The following FILIP1L variants were observed in gnomAD, a reference collection of about 807,000 sequenced individuals.
FILIP1L encodes the protein filamin A-interacting protein 1-like.
A neutral mutation model predicts 96.6 loss-of-function variants in FILIP1L; 55 were observed. That is an observed-to-expected ratio of 0.57 (90% confidence interval 0.46 to 0.71). The LOEUF (loss-of-function observed/expected upper bound fraction) is 0.71. Ranked by LOEUF, FILIP1L falls within the 30% of genes least tolerant of loss-of-function variation. The probability of loss-of-function intolerance (pLI) is 0.00; values close to 1 mark genes in which losing one functional copy is unlikely to be tolerated. For synonymous variants in FILIP1L, 467 were observed against 473.9 expected, an observed-to-expected ratio of 0.99 and a Z score of 0.19; for missense variants, 1,304 against 1,321.2, an observed-to-expected ratio of 0.99 and a Z score of 0.20.
At chr3:99,890,698 T>C (rs1028311000) in intron 4 of FILIP1L, among the ~76,000 whole-genome samples, 1 of 152,220 alleles carries the variant, frequency 6.6e-6, no homozygotes. Context: ...TATAGTCTTT[T>C]ACTTTTTAAA....
chr3:99,993,274 A>G lies in FILIP1L; in HGVS notation c.-10-62244T>C, dbSNP rs539302199. Among the ~76,000 whole-genome samples, 4 of 152,188 alleles carry G rather than the reference A, an allele frequency of 2.6e-5. No individual in the cohort carries two copies. The East Asian group carries it at 5.8e-4, about 22-fold the overall frequency. ...TTTAATAATATTGATTCTTCAATCT[A>G]TGAGCATGGATGTTTTTTCATTTGT... On this transcript the variant is annotated intron_variant, in intron 1 of 5. Transcript: ENST00000477258.
chr3:100,045,789 T>C (rs192491621), intron 1 of FILIP1L, among the ~76,000 whole-genome samples: 3 of 152,364 alleles, frequency 2.0e-5, no homozygotes, highest in Admixed American at 1.3e-4. Context: ...CAGAAAGCTG[T>C]AACACATTGC....
chr3:99,879,294 A>G (rs984675255), intron 4 of FILIP1L, among the ~76,000 whole-genome samples: 30 of 152,210 alleles, frequency 2.0e-4, no homozygotes, highest in African/African-American at 5.8e-4. Context: ...GCCATATTAT[A>G]TTATGTCAAA....
At chr3:99,975,076 G>A (rs1708929845) in intron 1 of FILIP1L, among the ~76,000 whole-genome samples, 1 of 152,130 alleles carries the variant, frequency 6.6e-6, no homozygotes, top group South Asian at 2.1e-4. Flanking sequence ...GAACTATACT[G>A]AGCATCTTAG....
At chr3:99,988,424 A>C (rs1372013851) in intron 1 of FILIP1L, among the ~76,000 whole-genome samples, 1 of 149,198 alleles carries the variant, frequency 6.7e-6, no homozygotes, top group East Asian at 2.0e-4. Context: ...AGACAGGAGA[A>C]TCGCTTGAAT....
At chr3:99,902,833 G>A (rs1706480072) in intron 4 of FILIP1L, among the ~76,000 whole-genome samples, 2 of 152,212 alleles carry the variant, frequency 1.3e-5, no homozygotes, top group African/African-American at 4.8e-5. Context: ...TAACTTCCAT[G>A]TGAAGATAGT....
At chr3:99,877,109 G>A (rs1358246711) in intron 4 of FILIP1L, among the ~76,000 whole-genome samples, 1 of 152,112 alleles carries the variant, frequency 6.6e-6, no homozygotes, top group Non-Finnish European at 1.5e-5. Flanking sequence ...ATTCACCTCC[G>A]AATTATAAGA....
intron 4 of FILIP1L, among the ~76,000 whole-genome samples, chr3:99,864,949 T>A (rs1200378064): frequency 6.6e-6 from 1 of 152,206 alleles, no homozygotes; most frequent in Non-Finnish European, 1.5e-5. Context: ...TAGTCAATCA[T>A]TGGTCTATTT....
At chr3:100,092,096 T>C (rs964642450) in intron 1 of FILIP1L, among the ~76,000 whole-genome samples, 3 of 152,252 alleles carry the variant, frequency 2.0e-5, no homozygotes, top group African/African-American at 4.8e-5. Flanking sequence ...CTTAAAAATG[T>C]ACTCTGTAAA....
At chr3:100,046,643 G>C (rs941542817) in intron 1 of FILIP1L, among the ~76,000 whole-genome samples, 29 of 152,114 alleles carry the variant, frequency 1.9e-4, no homozygotes, top group African/African-American at 6.0e-4. Flanking sequence ...GACCTGGCCT[G>C]GGCAAAATCA....
intron 1 of FILIP1L, among the ~76,000 whole-genome samples, chr3:100,055,746 T>G (rs2065453632): frequency 6.6e-6 from 1 of 152,202 alleles, no homozygotes; most frequent in South Asian, 2.1e-4. Context: ...CCCAGTAATT[T>G]AGAAAAGAGA....
At chr3:100,099,234 T>TTAG (rs2066263244) in intron 1 of FILIP1L, among the ~76,000 whole-genome samples, 1 of 152,180 alleles carries the variant, frequency 6.6e-6, no homozygotes, top group Non-Finnish European at 1.5e-5. Context: ...ATTTATCATC[T>TTAG]TAGTACGCAC....
intron 1 of FILIP1L, among the ~76,000 whole-genome samples, chr3:100,054,122 G>A (rs1383476415): frequency 1.3e-5 from 2 of 152,180 alleles, no homozygotes; most frequent in Non-Finnish European, 2.9e-5. Flanking sequence ...ACATTTGTGT[G>A]CTTTCAAGAT....
chr3:99,894,890 T>C (rs1706199323), intron 4 of FILIP1L, among the ~76,000 whole-genome samples: 1 of 152,226 alleles, frequency 6.6e-6, no homozygotes, highest in Admixed American at 6.5e-5. Flanking sequence ...CAAGCTATAT[T>C]TAGGTCAGCT....
At chr3:99,905,404 T>C (rs1706582047) in intron 4 of FILIP1L, among the ~76,000 whole-genome samples, 2 of 152,224 alleles carry the variant, frequency 1.3e-5, no homozygotes, top group African/African-American at 4.8e-5. Flanking sequence ...TAATTGCTCT[T>C]ACTAGGACTA....
At chr3:99,952,780 C>A (rs1419976209) in intron 1 of FILIP1L, among the ~76,000 whole-genome samples, 2 of 152,002 alleles carry the variant, frequency 1.3e-5, no homozygotes, top group African/African-American at 4.8e-5. Flanking sequence ...CATGAATATT[C>A]CTAAGAAGAA....
In FILIP1L at chr3:99,971,101, G is replaced by C. The variant is rs556476517; in HGVS notation, c.-10-40071C>G. Among the ~76,000 whole-genome samples the C allele has an allele frequency of 2.0e-5, 3 of 152,314 alleles. No homozygotes were observed. The South Asian group carries it at 6.2e-4, about 32-fold the overall frequency. ...GCCTGTAATCCCAGCACTTTGGGAG[G>C]CCAAGGCGGGCGGATCACTAGGTCA... On this transcript the variant is annotated intron_variant, in intron 1 of 5. Coordinates refer to ENST00000477258, the MANE Select transcript of FILIP1L (RefSeq NM_001387850.1).
At chr3:99,962,501 T>G (rs1708523106) in intron 1 of FILIP1L, among the ~76,000 whole-genome samples, 1 of 152,212 alleles carries the variant, frequency 6.6e-6, no homozygotes, top group South Asian at 2.1e-4. Flanking sequence ...GCTCTTTCAG[T>G]AGCATGACCA....
intron 4 of FILIP1L, among the ~76,000 whole-genome samples, chr3:99,885,353 G>T (rs965690178): frequency 6.6e-6 from 1 of 152,180 alleles, no homozygotes; most frequent in African/African-American, 2.4e-5. Context: ...AAATGCTGAT[G>T]CATTCTAAGA....
Sources: allele counts gnomAD v4.1 joint callset (sites outside exome capture counted in the v4.1 genomes callset), GRCh38; gene constraint gnomAD v4.1.1; transcripts MANE v1.5; gene names NCBI Gene and HGNC (gene_info 2026-07-23, HGNC 2026-07-21).